The following PMEPA1 variants were observed in gnomAD, a reference collection of about 807,000 sequenced individuals.
PMEPA1 encodes the protein prostate transmembrane protein, androgen induced 1.
In PMEPA1, 11 loss-of-function variants were observed where a neutral mutation model predicts 23.0. The ratio of observed to expected loss-of-function variants is 0.48; its 90% CI spans 0.30 to 0.79. The LOEUF is 0.79. Among genes scored for constraint, PMEPA1 ranks in the 30% least tolerant of loss-of-function variants. The pLI is 0.06. For synonymous variants in PMEPA1, 204 were observed against 166.4 expected, an observed-to-expected ratio of 1.23 and a Z score of -1.74; for missense variants, 377 against 390.9, an observed-to-expected ratio of 0.96 and a Z score of 0.30.
chr20:57,662,227 C>T (rs2071432015), intron 1 of PMEPA1, among the ~76,000 whole-genome samples: 1 of 152,212 alleles, frequency 6.6e-6, no homozygotes, highest in Admixed American at 6.5e-5. Context: ...GCTGTGGTAA[C>T]CGTCCTGCAC....
intron 1 of PMEPA1, among the ~76,000 whole-genome samples, chr20:57,688,351 G>T (rs1160508158): frequency 1.3e-5 from 2 of 151,220 alleles, no homozygotes; most frequent in South Asian, 2.1e-4. Context: ...ACTTCTTTGT[G>T]GGGTGGGCTG....
chr20:57,686,582 T>TGTTGTGAG (rs2071803916), intron 1 of PMEPA1, among the ~76,000 whole-genome samples: 1 of 152,242 alleles, frequency 6.6e-6, no homozygotes, highest in Non-Finnish European at 1.5e-5. Context: ...CCTAAAGAGC[T>TGTTGTGAG]GTTGTGAGGA....
At chr20:57,659,821 G>T (rs1009806413) in intron 1 of PMEPA1, 124 bp from the exon 2 acceptor site, 3 of 862,260 alleles carry the variant, frequency 3.5e-6, no homozygotes, top group East Asian at 5.4e-5. Flanking sequence ...ACTCAGGAAA[G>T]CCCCCGCCAC....
intron 1 of PMEPA1, among the ~76,000 whole-genome samples, chr20:57,691,545 G>A (rs2071882223): frequency 6.6e-6 from 1 of 152,196 alleles, no homozygotes; most frequent in African/African-American, 2.4e-5. Flanking sequence ...CTGAGCTGAT[G>A]CCAGCTCCTA....
intron 1 of PMEPA1, chr20:57,700,271 G>A: frequency 5.0e-6 from 2 of 398,112 alleles, no homozygotes; most frequent in South Asian, 1.8e-5. Flanking sequence ...CGGGGGAACA[G>A]GGAAACTGAG....
chr20:57,710,024 T>G, upstream of PMEPA1: 2 of 995,290 alleles, frequency 2.0e-6, no homozygotes, highest in Non-Finnish European at 2.4e-6. Context: ...ACGTCAGCGC[T>G]AGACGGGGCT....
At chr20:57,706,090 G>A (rs954800219) in intron 1 of PMEPA1, among the ~76,000 whole-genome samples, 1 of 152,218 alleles carries the variant, frequency 6.6e-6, no homozygotes, top group Non-Finnish European at 1.5e-5. Context: ...GGTGACTCTG[G>A]CCAGTGGGTG....
chr20:57,694,051 A>G (rs1286076611), intron 1 of PMEPA1, among the ~76,000 whole-genome samples: 1 of 152,210 alleles, frequency 6.6e-6, no homozygotes, highest in Non-Finnish European at 1.5e-5. Context: ...AGCCTGGACC[A>G]CAGAACTCCA....
At chr20:57,689,044 C>T (rs6025723) in intron 1 of PMEPA1, among the ~76,000 whole-genome samples, 69 of 152,344 alleles carry the variant, frequency 4.5e-4, no homozygotes, top group African/African-American at 1.5e-3. Flanking sequence ...TTTATTTAGA[C>T]GGTGTCAGCT....
intron 1 of PMEPA1, among the ~76,000 whole-genome samples, chr20:57,668,246 C>T (rs1476759062): frequency 1.3e-5 from 2 of 152,188 alleles, no homozygotes; most frequent in Non-Finnish European, 2.9e-5. Flanking sequence ...TGGCTCCCTG[C>T]CCTGCTGTTC....
Position 57,655,198 on chromosome 20 carries a change from C to G in PMEPA1, c.265-2112G>C, listed in dbSNP as rs2071310068. 6.6e-6 allele frequency among the ~76,000 whole-genome samples: 1 copy of G among 152,198 alleles called. No homozygotes were observed. The highest frequency in any genetic ancestry group is 2.1e-4 in the South Asian group (1 of 4,826). ...GTCTTGCCTTTGGATCTGAGCCCAT[C>G]CTGGGTCTGGACCAATGGCCCCTCT... On this transcript the variant is annotated intron_variant, in intron 2 of 3. Transcript: ENST00000341744. This position sits in a 1 kb window ranked among gnomAD's most constrained non-coding sequence, Gnocchi z 4.2.
chr20:57,663,561 A>G (rs1190137168), intron 1 of PMEPA1, among the ~76,000 whole-genome samples: 1 of 152,210 alleles, frequency 6.6e-6, no homozygotes, highest in Non-Finnish European at 1.5e-5. Flanking sequence ...GCCCAAACCC[A>G]TCCACCCTCA....
chr20:57,670,659 T>A (rs2071555126), intron 1 of PMEPA1, among the ~76,000 whole-genome samples: 1 of 152,162 alleles, frequency 6.6e-6, no homozygotes, highest in South Asian at 2.1e-4. Context: ...TGGGTGTGCC[T>A]GACTCCGCGT....
At chr20:57,689,477 C>G (rs979049998) in intron 1 of PMEPA1, among the ~76,000 whole-genome samples, 4 of 152,210 alleles carry the variant, frequency 2.6e-5, no homozygotes, top group Admixed American at 6.5e-5. Flanking sequence ...ACAGACACCA[C>G]CCCGTTCCTC....
intron 1 of PMEPA1, among the ~76,000 whole-genome samples, chr20:57,663,077 C>G (rs900275308): frequency 6.6e-6 from 1 of 152,216 alleles, no homozygotes; most frequent in Non-Finnish European, 1.5e-5. Context: ...GAAATGAGCA[C>G]CGGGCTCAGT....
chr20:57,676,131 C>T (rs376714587), intron 1 of PMEPA1, among the ~76,000 whole-genome samples: 98 of 152,332 alleles, frequency 6.4e-4, no homozygotes, highest in African/African-American at 2.1e-3. Context: ...TTTCTCTGAG[C>T]GTCGAGATGG....
intron 1 of PMEPA1, among the ~76,000 whole-genome samples, chr20:57,660,953 C>A (rs1464756726): frequency 5.3e-5 from 8 of 152,154 alleles, no homozygotes; most frequent in Non-Finnish European, 1.2e-4. Context: ...GACACAAACA[C>A]ACACAGACAC....
rs1350232794 is a variant in PMEPA1 at position 57,656,120 on chromosome 20, G to C, written c.265-3034C>G. Among the ~76,000 whole-genome samples, 2 of 151,350 alleles carry C rather than the reference G, an allele frequency of 1.3e-5. No individual in the cohort carries two copies. Among genetic ancestry groups the C allele is most frequent in the African/African-American group, 4.8e-5 (2 of 41,276 alleles). ...ACGGGATGGCCTTCTATCAAACTTC[G>C]AGGACTCAGAGATGTTTCTAAAGAA... is the stretch of plus-strand genomic sequence containing the variant. On this transcript the variant is annotated intron_variant, in intron 2 of 3. Coordinates refer to ENST00000341744, the MANE Select transcript of PMEPA1 (RefSeq NM_020182.5). This position sits in a 1 kb window ranked among gnomAD's most constrained non-coding sequence, Gnocchi z 4.7.
intron 2 of PMEPA1, among the ~76,000 whole-genome samples, chr20:57,659,169 G>A (rs527830495): frequency 6.1e-5 from 8 of 131,670 alleles, no homozygotes; most frequent in African/African-American, 2.4e-4. Flanking sequence ...TCACCACTGG[G>A]CGTCTCATCT....
Sources: gnomAD v4.1 joint callset for allele counts (sites outside exome capture counted in the v4.1 genomes callset) on GRCh38, gnomAD v4.1.1 for gene constraint, Gnocchi (gnomAD v3.1) non-coding constraint, MANE v1.5 for transcripts, NCBI Gene and HGNC (gene_info 2026-07-23, HGNC 2026-07-21) for gene names.